The following SBF2 variants were observed in gnomAD, a reference collection of about 807,000 sequenced individuals.
SBF2 encodes SET binding factor 2.
A neutral mutation model predicts 225.2 loss-of-function variants in SBF2; 112 were observed. That is an observed-to-expected ratio of 0.50 (90% CI 0.43 to 0.58). The LOEUF (loss-of-function observed/expected upper bound fraction) is 0.58, where lower values mean the gene tolerates loss of function less well. Ranked by LOEUF, SBF2 falls within the 20% of genes least tolerant of loss-of-function variation. The probability of loss-of-function intolerance (pLI) is 0.00; values close to 1 mark genes in which losing one functional copy is unlikely to be tolerated. For synonymous variants in SBF2, 763 were observed against 773.3 expected (o/e 0.99, Z 0.22); for missense variants, 1,996 against 2,206.2 (o/e 0.90, Z 1.91).
At chr11:9,935,794 A>G (rs1041333723) in intron 16 of SBF2, among the ~76,000 whole-genome samples, 1 of 152,234 alleles carries the variant, frequency 6.6e-6, no homozygotes, top group Non-Finnish European at 1.5e-5. Flanking sequence ...TACACCTTAT[A>G]TAGAAATTAA....
At chr11:9,939,164 C>T (rs772665520) in intron 16 of SBF2, among the ~76,000 whole-genome samples, 8 of 152,172 alleles carry the variant, frequency 5.3e-5, no homozygotes, top group East Asian at 1.9e-4. Flanking sequence ...GGTGCGATCT[C>T]GGCTCACTGC....
chr11:9,992,999 A>G lies in SBF2; in HGVS notation c.1158T>C (p.His386=), dbSNP rs780071398. 6 of 1,600,626 alleles carry G rather than the reference A, an allele frequency of 3.7e-6. No homozygotes were observed. The highest frequency in any genetic ancestry group is 3.3e-5 in the South Asian group (3 of 90,792). The change falls in exon 11 of 40, where the codon CAT becomes CAC. Residue 386 remains histidine (H), a synonymous_variant. Coordinates refer to ENST00000256190, the MANE Select transcript of SBF2 (RefSeq NM_030962.4). The part of the protein sequence containing the change: ...LIRIHAEPVI[H]FHKTAFLGQR... The stretch of plus-strand genomic sequence containing the variant: ...TAGTACTCTATCTTACCTTGTGGAA[A>G]TGTATTACTGGCTCTGCATGAATTC...
chr11:9,994,140 ATG>A, intron 9 of SBF2, 142 bp from the exon 10 acceptor site: 2 of 733,040 alleles, frequency 2.7e-6, no homozygotes. Context: ...GTAGTTCTAT[ATG>A]TACTATTGTA....
chr11:9,995,825 C>CT (rs71034750), intron 9 of SBF2, among the ~76,000 whole-genome samples: 101,701 of 137,254 alleles, frequency 0.74, 37,937 homozygotes, highest in East Asian at 0.99. Context: ...AATTTTTTGT[C>CT]TTTTTTTTTT....
At chr11:10,046,163 G>T (rs1242856027) in intron 2 of SBF2, among the ~76,000 whole-genome samples, 5 of 152,050 alleles carry the variant, frequency 3.3e-5, no homozygotes, top group Admixed American at 2.6e-4. Context: ...TCGGATTTTG[G>T]TATGTGTGGG....
intron 13 of SBF2, among the ~76,000 whole-genome samples, chr11:9,983,205 C>A (rs1303489088): frequency 6.6e-6 from 1 of 152,178 alleles, no homozygotes; most frequent in African/African-American, 2.4e-5. Flanking sequence ...GCCCGTCTTG[C>A]CCTCTGCCTG....
intron 16 of SBF2, among the ~76,000 whole-genome samples, chr11:9,951,193 A>G (rs1865834974): frequency 6.6e-6 from 1 of 152,188 alleles, no homozygotes; most frequent in South Asian, 2.1e-4. Flanking sequence ...AAACAAAGGC[A>G]ATAGATGTGT....
At chr11:9,974,261 T>C (rs57017265) in intron 13 of SBF2, among the ~76,000 whole-genome samples, 17,136 of 152,210 alleles carry the variant, frequency 0.11, 1,095 homozygotes, top group East Asian at 0.3. Context: ...TCTCAACCTA[T>C]GCACTAATTG....
At chr11:9,994,792 T>C (rs1947617619) in intron 9 of SBF2, among the ~76,000 whole-genome samples, 1 of 152,056 alleles carries the variant, frequency 6.6e-6, no homozygotes, top group Non-Finnish European at 1.5e-5. Flanking sequence ...ATCCCAACAC[T>C]TTGGGAGGGC....
intron 3 of SBF2, among the ~76,000 whole-genome samples, chr11:10,038,658 C>T (rs550387721): frequency 2.5e-4 from 38 of 151,920 alleles, no homozygotes; most frequent in South Asian, 8.3e-4. Flanking sequence ...GATGGAGAAA[C>T]GTATCTTATG....
chr11:10,278,539 G>A (rs1026945066), intron 1 of SBF2, among the ~76,000 whole-genome samples: 2 of 152,176 alleles, frequency 1.3e-5, no homozygotes, highest in African/African-American at 4.8e-5. Context: ...CCAGCACTTT[G>A]GGAGGCCAAG....
intron 2 of SBF2, among the ~76,000 whole-genome samples, chr11:10,168,720 A>G (rs1438760176): frequency 6.6e-6 from 1 of 152,238 alleles, no homozygotes; most frequent in Non-Finnish European, 1.5e-5. Flanking sequence ...CTGCTTCTCA[A>G]CTAAGGACAT....
At chr11:10,160,266 A>G (rs960787758) in intron 2 of SBF2, among the ~76,000 whole-genome samples, 2 of 152,230 alleles carry the variant, frequency 1.3e-5, no homozygotes, top group African/African-American at 4.8e-5. Context: ...GTGAAATAAA[A>G]GCATGTCTAA....
At chr11:9,940,874 A>AT in intron 16 of SBF2, among the ~76,000 whole-genome samples, 1 of 152,210 alleles carries the variant, frequency 6.6e-6, no homozygotes, top group South Asian at 2.1e-4. Context: ...ATACAAAGGC[A>AT]AAGAGTTTAT....
rs78982046 is a variant in SBF2 at position 10,128,605 on chromosome 11, A to G, written c.141+65297T>C. Among the ~76,000 whole-genome samples, 410 of 152,362 alleles carry G rather than the reference A, an allele frequency of 2.7e-3. 2 individuals are homozygous for G. Among genetic ancestry groups the G allele is most frequent in the African/African-American group, 9.3e-3 (385 of 41,582 alleles). ...AAAGAAAAATAATCTGTAGTTGTACATTACACACTGGTTAAAAACTCTGAT... is the reference window on the plus strand; with the variant it reads ...AAAGAAAAATAATCTGTAGTTGTACGTTACACACTGGTTAAAAACTCTGAT... On this transcript the variant is annotated intron_variant, in intron 2 of 39. Coordinates refer to ENST00000256190, the MANE Select transcript of SBF2 (RefSeq NM_030962.4).
intron 16 of SBF2, among the ~76,000 whole-genome samples, chr11:9,943,532 G>GA (rs1027668772): frequency 2.7e-5 from 4 of 150,924 alleles, no homozygotes; most frequent in Non-Finnish European, 5.9e-5. Flanking sequence ...AAATCAATGA[G>GA]AAAAAAAAGA....
intron 16 of SBF2, among the ~76,000 whole-genome samples, chr11:9,907,003 G>GA (rs1324857282): frequency 1.3e-5 from 2 of 152,116 alleles, no homozygotes; most frequent in Non-Finnish European, 2.9e-5. Flanking sequence ...AAACATTAAA[G>GA]AAAAAACTAG....
At chr11:10,226,387 T>G (rs1009666444) in intron 1 of SBF2, among the ~76,000 whole-genome samples, 1 of 151,246 alleles carries the variant, frequency 6.6e-6, no homozygotes, top group East Asian at 1.9e-4. Flanking sequence ...CGTGCAGGTT[T>G]GTAACATATG....
intron 17 of SBF2, among the ~76,000 whole-genome samples, chr11:9,878,677 T>TA (rs1859492610): frequency 6.6e-6 from 1 of 152,210 alleles, no homozygotes; most frequent in African/African-American, 2.4e-5. Flanking sequence ...CAATGCTTGT[T>TA]AAATTCCAAA....
Sources: allele counts gnomAD v4.1 joint callset (sites outside exome capture counted in the v4.1 genomes callset), GRCh38; gene constraint gnomAD v4.1.1; transcripts MANE v1.5; gene names NCBI Gene and HGNC (gene_info 2026-07-23, HGNC 2026-07-21).